Variants in AHCTF1 observed in about 807,000 individuals in gnomAD.
AHCTF1 encodes protein ELYS.
Under a neutral mutation model 248.4 loss-of-function variants are expected in AHCTF1, and 24 were observed. The ratio of observed to expected loss-of-function variants is 0.10; its 90% confidence interval spans 0.07 to 0.14. The LOEUF (loss-of-function observed/expected upper bound fraction) is 0.14. Among genes scored for constraint, AHCTF1 ranks in the 10% least tolerant of loss-of-function variants. The pLI is 1.00. For missense variants in AHCTF1, 2,206 were observed against 2,636.2 expected, an observed-to-expected ratio of 0.84 and a Z score of 3.57; for synonymous variants, 786 against 929.8, an observed-to-expected ratio of 0.85 and a Z score of 2.81.
At chr1:246,869,039 T>G (rs1036172607) in intron 24 of AHCTF1, among the ~76,000 whole-genome samples, 17 of 151,378 alleles carry the variant, frequency 1.1e-4, no homozygotes, top group Admixed American at 2.6e-4. Context: ...AGAGACGGGG[T>G]TTCACCATGT....
rs747098059 is a variant in AHCTF1 at position 246,900,476 on chromosome 1, G to A, written c.1118-7C>T. The A allele has an allele frequency of 6.3e-7, 1 of 1,581,772 alleles. No homozygotes were observed. Among genetic ancestry groups the A allele is most frequent in the Non-Finnish European group, 8.5e-7 (1 of 1,172,980 alleles). On this transcript the variant is annotated splice_region_variant and splice_polypyrimidine_tract_variant and intron_variant, in intron 8 of 35. Coordinates refer to ENST00000648844, the MANE Select transcript of AHCTF1 (RefSeq NM_001323342.2). The stretch of plus-strand genomic sequence containing the variant: ...CTAGTGTCAGGCGATAGAGCTGGAA[G>A]AAAAAGATAATTTTTAAAAACAGAA...
intron 20 of AHCTF1, 27 bp downstream of exon 20, chr1:246,887,184 G>C: frequency 1.3e-6 from 2 of 1,572,824 alleles, no homozygotes; most frequent in Non-Finnish European, 1.7e-6. Flanking sequence ...ATTCATGAAA[G>C]TTTATGCTGT....
chr1:246,862,865 G>A (rs532970100), intron 27 of AHCTF1, among the ~76,000 whole-genome samples: 10 of 152,130 alleles, frequency 6.6e-5, no homozygotes, highest in African/African-American at 2.2e-4. Flanking sequence ...TGAAGATTTC[G>A]TATAATGAAT....
intron 4 of AHCTF1, among the ~76,000 whole-genome samples, chr1:246,912,339 C>T (rs1386829010): frequency 6.6e-6 from 1 of 151,618 alleles, no homozygotes; most frequent in Non-Finnish European, 1.5e-5. Context: ...AAAAATTAGC[C>T]AGGCATGGTG....
intron 29 of AHCTF1, among the ~76,000 whole-genome samples, chr1:246,859,158 T>C (rs1321241271): frequency 6.6e-6 from 1 of 152,254 alleles, no homozygotes; most frequent in African/African-American, 2.4e-5. Flanking sequence ...ATGCCCATGC[T>C]TACTAAGTAA....
At chr1:246,899,409 T>C in intron 11 of AHCTF1, 42 bp downstream of exon 11, 1 of 1,473,446 alleles carries the variant, frequency 6.8e-7, no homozygotes, top group African/African-American at 1.4e-5. Flanking sequence ...TATTCTAAGA[T>C]CTGACTTCAG....
intron 17 of AHCTF1, among the ~76,000 whole-genome samples, chr1:246,889,457 T>C (rs1338071247): frequency 2.6e-5 from 4 of 152,208 alleles, no homozygotes; most frequent in African/African-American, 9.7e-5. Context: ...CTGCCAAGGA[T>C]ATACACTTAG....
chr1:246,931,298 C>G, intron 1 of AHCTF1: 1 of 1,547,664 alleles, frequency 6.5e-7, no homozygotes, highest in African/African-American at 1.4e-5. Context: ...CGGCGCAGGA[C>G]GCGAACCACC....
intron 33 of AHCTF1, among the ~76,000 whole-genome samples, chr1:246,844,782 A>AT (rs1250779712): frequency 6.6e-6 from 1 of 151,578 alleles, no homozygotes; most frequent in East Asian, 1.9e-4. Context: ...AAAATAAGGA[A>AT]TTAAAAGCAT....
rs1451271346 is a variant in AHCTF1, at chr1:246,913,317, A to C, written c.471T>G (p.Ala157=). 2.5e-6 allele frequency: 4 copies of C among 1,614,060 alleles called. No homozygotes were observed. Among genetic ancestry groups the C allele is most frequent in the Admixed American group, 3.3e-5 (2 of 60,024 alleles). ...PSLRWLFGVA[A]VVTDVGQILL... ...GGATCTGTCCAACATCAGTGACCACAGCTGCCACTCCAAAAAGCCATCGCA... is the reference window on the plus strand; with the variant it reads ...GGATCTGTCCAACATCAGTGACCACCGCTGCCACTCCAAAAAGCCATCGCA... Residue 157 remains alanine, a synonymous_variant, in exon 4 of 36, where the codon GCT becomes GCG. Transcript: ENST00000648844.
chr1:246,851,254 T>C lies in AHCTF1; in HGVS notation c.4752A>G (p.Glu1584=), dbSNP rs765805897. The part of the protein sequence containing the change: ...AECDIAEVDG[E]LFVAQSNFTL... ...TAAAGTTGCTTTGAGCCACAAAAAG[T>C]TCCCCATCTACTTCAGCAATGTCAC... Residue 1584 remains glutamate (E), a synonymous_variant, in exon 33 of 36, where the codon GAA becomes GAG. Transcript: ENST00000648844. 1 of 1,613,934 alleles carries C rather than the reference T, an allele frequency of 6.2e-7. No individual in the cohort carries two copies. Among genetic ancestry groups the C allele is most frequent in the Non-Finnish European group, 8.5e-7 (1 of 1,179,860 alleles).
Position 246,849,795 on chromosome 1 carries a change from C to T in AHCTF1, c.6211G>A (p.Glu2071Lys). Residue 2071 changes from glutamate to lysine, a missense_variant, in exon 33 of 36, where the codon GAA becomes AAA. Physicochemically the swap from Glu to Lys is moderately conservative, Grantham distance 56. Around this residue, in one of 6 missense-constraint regions of AHCTF1, gnomAD observed 469 missense variants for 470.0 expected, o/e 1.00. Coordinates refer to ENST00000648844, the MANE Select transcript of AHCTF1 (RefSeq NM_001323342.2). ...LHSVSEERTD[E>K]MTHKETNEQE... ...TCATTTGTTTCTTTATGTGTCATTTCATCTGTGCGTTCTTCTGATACTGAG... is the reference window on the plus strand; with the variant it reads ...TCATTTGTTTCTTTATGTGTCATTTTATCTGTGCGTTCTTCTGATACTGAG... 1 of 1,613,948 alleles carries T rather than the reference C, an allele frequency of 6.2e-7. No individual in the cohort carries two copies. The highest frequency in any genetic ancestry group is 8.5e-7 in the Non-Finnish European group (1 of 1,179,870).
intron 5 of AHCTF1, among the ~76,000 whole-genome samples, chr1:246,906,593 G>A (rs573253633): frequency 3.3e-5 from 5 of 151,024 alleles, no homozygotes; most frequent in African/African-American, 1.2e-4. Flanking sequence ...CAAAAAAATA[G>A]AAAAAAAAGA....
At chr1:246,910,022 A>C (rs1665689122) in intron 4 of AHCTF1, among the ~76,000 whole-genome samples, 1 of 152,234 alleles carries the variant, frequency 6.6e-6, no homozygotes, top group Admixed American at 6.5e-5. Flanking sequence ...GAATCCACTG[A>C]TCACTAATTG....
chr1:246,878,226 T>C (rs1663118670), intron 21 of AHCTF1, among the ~76,000 whole-genome samples: 1 of 151,242 alleles, frequency 6.6e-6, no homozygotes, highest in Non-Finnish European at 1.5e-5. Flanking sequence ...GGTGAGACCC[T>C]AACTACAAAA....
chr1:246,888,063 A>C, intron 19 of AHCTF1, 114 bp downstream of exon 19: 1 of 1,159,948 alleles, frequency 8.6e-7, no homozygotes, highest in Middle Eastern at 2.0e-4. Flanking sequence ...ACCTCTTCTT[A>C]AGAAAACAAA....
In AHCTF1 at chr1:246,900,255, A is replaced by T. The variant is rs543152719; in HGVS notation, c.1251-9T>A. On this transcript the variant is annotated splice_polypyrimidine_tract_variant and intron_variant, in intron 9 of 35. Transcript: ENST00000648844. ...GTAGATATTCTCCTGACCTAAAAGA[A>T]AATTTAAAACATTACTAAGTCATTG... The T allele has an allele frequency of 8.8e-6, 14 of 1,585,598 alleles. No homozygotes were observed. The African/African-American group carries it at 1.8e-4, about 20-fold the overall frequency.
At chr1:246,929,740 C>T (rs769058490) in intron 1 of AHCTF1, among the ~76,000 whole-genome samples, 5 of 152,160 alleles carry the variant, frequency 3.3e-5, no homozygotes, top group Non-Finnish European at 5.9e-5. Context: ...AAAGACACAA[C>T]GTTTTGCTTC....
intron 29 of AHCTF1, among the ~76,000 whole-genome samples, chr1:246,860,126 G>C (rs193268311): frequency 7.9e-5 from 12 of 151,870 alleles, no homozygotes; most frequent in Non-Finnish European, 1.5e-4. Context: ...CAGTCATGGT[G>C]GGGGGCGACT....
Sources: allele counts gnomAD v4.1 joint callset (sites outside exome capture counted in the v4.1 genomes callset), GRCh38; gene constraint gnomAD v4.1.1; regional missense constraint gnomAD v4.1.1; transcripts MANE v1.5; gene names NCBI Gene and HGNC (gene_info 2026-07-23, HGNC 2026-07-21).